The following HAUS4 variants were observed in gnomAD, a reference collection of about 807,000 sequenced individuals.
HAUS4 encodes HAUS augmin like complex subunit 4, also known as HAUS augmin-like complex subunit 4.
HAUS4 carries 34 observed loss-of-function variants against 50.6 expected under a neutral mutation model. The observed-to-expected ratio is 0.67, with a 90% CI of 0.51 to 0.90. The LOEUF is 0.90. Ranked by LOEUF, HAUS4 falls within the 40% of genes least tolerant of loss-of-function variation. HAUS4 has a pLI of 0.00. For synonymous variants in HAUS4, 149 were observed against 161.4 expected (o/e 0.92, Z 0.58); for missense variants, 370 against 428.7 (o/e 0.86, Z 1.21).
At chr14:22,949,105 T>G in intron 6 of HAUS4, among the ~76,000 whole-genome samples, 1 of 145,506 alleles carries the variant, frequency 6.9e-6, no homozygotes. Flanking sequence ...TGCAGTGAGC[T>G]GAGATCACGC....
At chr14:22,952,775 C>G in intron 2 of HAUS4, 92 bp from the exon 3 acceptor site, 1 of 1,035,594 alleles carries the variant, frequency 9.7e-7, no homozygotes, top group Non-Finnish European at 1.3e-6. Context: ...TTCCAAAAAA[C>G]CCCTAGGATT....
At chr14:22,949,136 G>A (rs1209055594) in intron 6 of HAUS4, among the ~76,000 whole-genome samples, 1 of 140,690 alleles carries the variant, frequency 7.1e-6, no homozygotes, top group African/African-American at 2.7e-5. Flanking sequence ...CAGCCTGGGC[G>A]ACAAGAATGA....
At position 22,947,700 on chromosome 14, in the gene HAUS4, C is replaced by G; in HGVS notation, c.740G>C (p.Arg247Thr). 1.9e-6 allele frequency: 3 copies of G among 1,614,096 alleles called. No homozygotes were observed. Among genetic ancestry groups the G allele is most frequent in the Non-Finnish European group, 8.5e-7 (1 of 1,180,020 alleles). ...CTTCAGCCGGTGTTCTTGAAGAAGCCTCTGCAGCAAAGTGAGGCAGCGGAG... is the reference window on the plus strand; with the variant it reads ...CTTCAGCCGGTGTTCTTGAAGAAGCGTCTGCAGCAAAGTGAGGCAGCGGAG... ...VLLRCLTLLQ[R>T]LLQEHRLKTQ... The change falls in exon 8 of 10, where the codon AGG (arginine) becomes ACG (threonine). Residue 247 changes from arginine (R) to threonine (T), a missense_variant. Physicochemically the swap from Arg to Thr is moderately conservative, Grantham distance 71 (BLOSUM62 -1). Transcript: ENST00000541587.
At chr14:22,954,169 G>A (rs2044815791) in intron 2 of HAUS4, among the ~76,000 whole-genome samples, 2 of 152,122 alleles carry the variant, frequency 1.3e-5, no homozygotes, top group African/African-American at 4.8e-5. Flanking sequence ...GAGATCCTCT[G>A]GTTTTTCCAT....
chr14:22,950,151 AC>A (rs201619392), intron 6 of HAUS4, among the ~76,000 whole-genome samples, 162 bp downstream of exon 6: 16 of 151,480 alleles, frequency 1.1e-4, no homozygotes, highest in Admixed American at 2.0e-4. Flanking sequence ...AAACAAAAAA[AC>A]AAAAAGTCCT....
chr14:22,956,863 C>T (rs1243548117), intron 1 of HAUS4, 53 bp downstream of exon 1: 1 of 154,436 alleles, frequency 6.5e-6, no homozygotes, highest in Admixed American at 6.5e-5. Flanking sequence ...CGGAATGACT[C>T]TCCCAGAGCT....
intron 6 of HAUS4, among the ~76,000 whole-genome samples, chr14:22,948,802 TG>T (rs1189702895): frequency 2.6e-5 from 4 of 152,098 alleles, no homozygotes; most frequent in Non-Finnish European, 5.9e-5. Context: ...CCCAAAGTGA[TG>T]GTATTACAGG....
rs1294595540 is a variant in HAUS4 at position 22,952,321 on chromosome 14, G to A, written c.330+7C>T. ...GTGTTAGCCACCACGCCCAGCCTTT[G>A]CCTCACCTTTTTGTCCTCAGAAGTT... On this transcript the variant is annotated splice_region_variant and intron_variant, in intron 4 of 9. Transcript: ENST00000541587. The A allele has an allele frequency of 6.2e-7, 1 of 1,612,686 alleles. No individual in the cohort carries two copies. The highest frequency in any genetic ancestry group is 8.5e-7 in the Non-Finnish European group (1 of 1,179,156).
rs1414067110 is a variant in HAUS4, at chr14:22,946,489, C to A, written c.*36G>T. ...TAGCAGGAAGATTAGGAGGCAGCAG[C>A]TATGCAGAAGCCATGTCTCCTGGCC... On this transcript the variant is annotated 3_prime_UTR_variant, in exon 10 of 10. Coordinates refer to ENST00000541587, the MANE Select transcript of HAUS4 (RefSeq NM_001166269.2). 5.8e-6 allele frequency: 9 copies of A among 1,554,444 alleles called. No homozygotes were observed. The East Asian group carries it at 2.0e-4, about 35-fold the overall frequency.
At chr14:22,954,730 CTT>C (rs551775168) in intron 2 of HAUS4, 114 of 139,222 alleles carry the variant, frequency 8.2e-4, no homozygotes, top group South Asian at 1.5e-3. Context: ...CTTATAAATC[CTT>C]TTTTTTTTTT....
chr14:22,947,558 C>A (rs753808849), intron 8 of HAUS4, 43 bp downstream of exon 8: 2 of 1,606,746 alleles, frequency 1.2e-6, no homozygotes, highest in African/African-American at 2.7e-5. Flanking sequence ...GGGCTGATAA[C>A]GTGAGACAGA....
intron 1 of HAUS4, 88 bp downstream of exon 1, chr14:22,956,828 G>GCGA (rs1257785459): frequency 4.5e-5 from 7 of 154,242 alleles, no homozygotes; most frequent in Admixed American, 2.6e-4. Context: ...ATTCCCAAGA[G>GCGA]CGACGACGGT....
intron 6 of HAUS4, among the ~76,000 whole-genome samples, chr14:22,949,189 G>C (rs1210497973): frequency 6.7e-6 from 1 of 150,282 alleles, no homozygotes; most frequent in African/African-American, 2.4e-5. Context: ...GGTTTAGGGA[G>C]GAAAGTTCAG....
At chr14:22,950,446 G>A in intron 5 of HAUS4, 36 bp from the exon 6 acceptor site, 1 of 1,340,824 alleles carries the variant, frequency 7.5e-7, no homozygotes, top group Non-Finnish European at 1.1e-6. Context: ...AATGCGAATA[G>A]ACTGTAAAAA....
At position 22,952,429 on chromosome 14, in the gene HAUS4, T is replaced by C. The variant is rs866000040; in HGVS notation, c.229A>G (p.Thr77Ala). Reference protein sequence around the residue: ...AWKEVRLHKTTWLRSEILHRV... With the variant: ...AWKEVRLHKTAWLRSEILHRV... The stretch of plus-strand genomic sequence containing the variant: ...TGTAAAATCTCAGACCTCAACCATG[T>C]TGTCTTATGCAGTCGAACTTCCTTC... Residue 77 changes from threonine to alanine, a missense_variant, in exon 4 of 10, where the codon ACA becomes GCA. By Grantham distance (58) the Thr-to-Ala change is moderately conservative. Transcript: ENST00000541587. The C allele has an allele frequency of 6.2e-6, 10 of 1,614,140 alleles. No individual in the cohort carries two copies. The Middle Eastern group carries it at 8.2e-4, about 133-fold the overall frequency.
At chr14:22,950,034 A>G (rs1467302404) in intron 6 of HAUS4, among the ~76,000 whole-genome samples, 1 of 151,890 alleles carries the variant, frequency 6.6e-6, no homozygotes, top group Non-Finnish European at 1.5e-5. Context: ...AGGCTGAGGC[A>G]GGAGAATCAC....
chr14:22,950,148 A>C lies in HAUS4; in HGVS notation c.562+166T>G, dbSNP rs375067368. 1.0e-3 allele frequency among the ~76,000 whole-genome samples: 155 copies of C among 152,044 alleles called. 1 individual carries two copies. Among genetic ancestry groups the C allele is most frequent in the African/African-American group, 3.0e-3 (125 of 41,500 alleles). On this transcript the variant is annotated intron_variant, in intron 6 of 9. Coordinates refer to ENST00000541587, the MANE Select transcript of HAUS4 (RefSeq NM_001166269.2). Reference sequence around the variant, plus strand: ...CATCTCAAAAAAAAAAAAAAACAAAAAAACAAAAAGTCCTTGTTTTTATTC... The same window carrying C: ...CATCTCAAAAAAAAAAAAAAACAAACAAACAAAAAGTCCTTGTTTTTATTC...
At chr14:22,947,357 A>G (rs1721712213) in intron 8 of HAUS4, 118 bp from the exon 9 acceptor site, 1 of 781,828 alleles carries the variant, frequency 1.3e-6, no homozygotes, top group Non-Finnish European at 2.2e-6. Flanking sequence ...TAGGATAAAC[A>G]AGGTCACTCT....
At chr14:22,955,564 G>A in intron 1 of HAUS4, 1 of 164,522 alleles carries the variant, frequency 6.1e-6, no homozygotes, top group Non-Finnish European at 1.3e-5. Context: ...GGGGAAAAGG[G>A]AAAAAAATCA....
Sources: allele counts gnomAD v4.1 joint callset (sites outside exome capture counted in the v4.1 genomes callset), GRCh38; gene constraint gnomAD v4.1.1; transcripts MANE v1.5; gene names NCBI Gene and HGNC (gene_info 2026-07-23, HGNC 2026-07-21).